The following SYT12 variants were observed in gnomAD, a reference collection of about 807,000 sequenced individuals.
SYT12 encodes synaptotagmin-12.
Under a neutral mutation model 39.5 loss-of-function variants are expected in SYT12, and 27 were observed. The observed-to-expected ratio is 0.68, with a 90% CI of 0.50 to 0.94. SYT12 has a LOEUF of 0.94. Among genes scored for constraint, SYT12 ranks in the 40% least tolerant of loss-of-function variants. SYT12 has a pLI of 0.00. For missense variants in SYT12, 536 were observed against 572.6 expected, an observed-to-expected ratio of 0.94 and a Z score of 0.65; for synonymous variants, 233 against 239.7, an observed-to-expected ratio of 0.97 and a Z score of 0.26.
At position 67,040,092 on chromosome 11, in the gene SYT12, C is replaced by T. The variant is rs746424290; in HGVS notation, c.510C>T (p.Asn170=). The T allele has an allele frequency of 1.2e-5, 19 of 1,613,690 alleles. No individual in the cohort carries two copies. The highest frequency in any genetic ancestry group is 1.7e-5 in the Admixed American group (1 of 60,000). ...ACGACACTGCCTCCCACACGCTGAA[C>T]GTGGCGGTGATGCAGGGCAAGGACC... ...MEYDTASHTL[N]VAVMQGKDLL... is the part of the protein sequence containing the mutation. The change falls in exon 4 of 8, where the codon AAC becomes AAT. Residue 170 remains asparagine (N), a synonymous_variant. Transcript: ENST00000527043.
At chr11:67,008,397 C>CT (rs924733245) in intron 1 of SYT12, among the ~76,000 whole-genome samples, 4 of 151,156 alleles carry the variant, frequency 2.6e-5, no homozygotes, top group East Asian at 3.9e-4. Flanking sequence ...TACATTTCTT[C>CT]TTTTTTTTTA....
chr11:67,020,429 T>C (rs1194908427), upstream of SYT12, among the ~76,000 whole-genome samples: 5 of 152,314 alleles, frequency 3.3e-5, no homozygotes, highest in African/African-American at 1.2e-4. Flanking sequence ...CCACATGAGA[T>C]GTGTTTGTTT....
chr11:67,044,512 T>C (rs1184192367), intron 5 of SYT12, 81 bp from the exon 6 acceptor site: 14 of 1,545,044 alleles, frequency 9.1e-6, no homozygotes, highest in South Asian at 1.3e-5. Flanking sequence ...AGCCCCAGCC[T>C]TTCCCTGGCA....
intron 1 of SYT12, chr11:67,029,032 GAGATC>G (rs1192149257): frequency 2.6e-5 from 4 of 152,256 alleles, no homozygotes; most frequent in African/African-American, 4.8e-5. Context: ...CCCTTGACCT[GAGATC>G]AGTGCAGCCC....
At chr11:67,024,845 G>A (rs1339767761) in intron 1 of SYT12, among the ~76,000 whole-genome samples, 2 of 152,180 alleles carry the variant, frequency 1.3e-5, no homozygotes, top group Non-Finnish European at 2.9e-5. Context: ...CCATTGCCTT[G>A]CTAGCCAGAG....
chr11:67,045,768 T>A lies in SYT12; in HGVS notation c.983T>A (p.Leu328Gln). Residue 328 changes from leucine (L) to glutamine (Q), a missense_variant, in exon 7 of 8, where the codon CTG (leucine) becomes CAG (glutamine). Coordinates refer to ENST00000527043, the MANE Select transcript of SYT12 (RefSeq NM_177963.4). ...GACCCCTTCGTCAAGGTGTACCTGC[T>A]GCAGGATGGGAGGAAGATGAGCAAA... ...TADPFVKVYL[L>Q]QDGRKMSKKK... The A allele has an allele frequency of 1.2e-6, 2 of 1,613,894 alleles. No homozygotes were observed. Among genetic ancestry groups the A allele is most frequent in the Non-Finnish European group, 1.7e-6 (2 of 1,179,962 alleles).
intron 2 of SYT12, among the ~76,000 whole-genome samples, chr11:67,033,078 A>G (rs934933965): frequency 3.3e-5 from 5 of 152,068 alleles, no homozygotes; most frequent in Non-Finnish European, 7.4e-5. Flanking sequence ...CCACTGTGTG[A>G]TCCATTCCTG....
At chr11:67,035,422 CTTTCTTTTT>C (rs1950339585) in intron 3 of SYT12, among the ~76,000 whole-genome samples, 1 of 145,126 alleles carries the variant, frequency 6.9e-6, no homozygotes, top group Admixed American at 6.8e-5. Context: ...TTTCTTCTTA[CTTTCTTTTT>C]TTTCTTTTTC....
intron 3 of SYT12, among the ~76,000 whole-genome samples, chr11:67,014,014 C>T (rs1950034308): frequency 6.6e-6 from 1 of 152,172 alleles, no homozygotes; most frequent in African/African-American, 2.4e-5. Flanking sequence ...GCCTCCGTCT[C>T]CACGTGGCCT....
At chr11:67,041,939 C>T (rs919635027) in intron 4 of SYT12, among the ~76,000 whole-genome samples, 2 of 152,198 alleles carry the variant, frequency 1.3e-5, no homozygotes, top group African/African-American at 4.8e-5. Context: ...ACCCTCCACA[C>T]ATCGCTGTAA....
chr11:67,034,592 G>T, intron 2 of SYT12, 53 bp from the exon 3 acceptor site: 2 of 1,513,562 alleles, frequency 1.3e-6, no homozygotes, highest in South Asian at 2.6e-5. Context: ...CTCCCCGGGT[G>T]GGGGTCTGTA....
intron 3 of SYT12, among the ~76,000 whole-genome samples, 164 bp downstream of exon 3, chr11:67,035,002 C>CTTTT (rs11316433): frequency 3.6e-5 from 4 of 112,098 alleles, no homozygotes; most frequent in Admixed American, 9.1e-5. Context: ...ACATCTTCAA[C>CTTTT]TTTTTTTTTT....
intron 5 of SYT12, 88 bp from the exon 6 acceptor site, chr11:67,044,505 C>T: frequency 1.3e-6 from 2 of 1,533,572 alleles, no homozygotes; most frequent in Non-Finnish European, 1.8e-6. Context: ...AGAAGGAAGC[C>T]CCAGCCTTTC....
intron 4 of SYT12, among the ~76,000 whole-genome samples, 189 bp from the exon 5 acceptor site, chr11:67,043,449 G>T (rs1474477890): frequency 1.3e-5 from 2 of 152,150 alleles, no homozygotes; most frequent in African/African-American, 4.8e-5. Flanking sequence ...TAGATTGGCC[G>T]CCACTGAGGA....
At chr11:67,010,576 GC>G (rs1412122139) in intron 2 of SYT12, among the ~76,000 whole-genome samples, 1 of 152,208 alleles carries the variant, frequency 6.6e-6, no homozygotes, top group African/African-American at 2.4e-5. Context: ...TTAACTGGCT[GC>G]CCAGTACCCT....
chr11:67,047,777 C>CTTTTT lies in SYT12; in HGVS notation c.1093-783_1093-779dup, dbSNP rs1173796349. 3.4e-4 allele frequency among the ~76,000 whole-genome samples: 26 copies of CTTTTT among 76,032 alleles called. 1 individual carries two copies. The highest frequency in any genetic ancestry group is 6.1e-4 in the Non-Finnish European group (25 of 41,254). 49.9% of individuals were successfully genotyped at this position (76,032 alleles called of 152,430 possible). ...GGCCAACATGATGAAACCCCCATCT[C>CTTTTT]TTTTTTTTTTTTTTTTTTTTTTTTT... On this transcript the variant is annotated intron_variant, in intron 7 of 7. Transcript: ENST00000527043.
chr11:67,041,596 C>T (rs1950513246), intron 4 of SYT12, among the ~76,000 whole-genome samples: 1 of 152,206 alleles, frequency 6.6e-6, no homozygotes, highest in Non-Finnish European at 1.5e-5. Flanking sequence ...ACAGGAGGGG[C>T]TGTCCCACTC....
intron 2 of SYT12, among the ~76,000 whole-genome samples, chr11:67,034,175 A>G (rs140913281): frequency 2.6e-5 from 4 of 152,270 alleles, no homozygotes; most frequent in East Asian, 1.9e-4. Context: ...TCATCCCCCA[A>G]AGAAACCCTA....
chr11:67,039,376 C>T (rs1296273302), intron 3 of SYT12, among the ~76,000 whole-genome samples: 3 of 150,848 alleles, frequency 2.0e-5, no homozygotes, highest in South Asian at 2.1e-4. Context: ...TTTGGGAGGC[C>T]GAGGTAGGTG....
Sources: allele counts gnomAD v4.1 joint callset (sites outside exome capture counted in the v4.1 genomes callset), GRCh38; gene constraint gnomAD v4.1.1; transcripts MANE v1.5; gene names NCBI Gene and HGNC (gene_info 2026-07-23, HGNC 2026-07-21).